The following GNAZ variants were observed in gnomAD, a reference collection of about 807,000 sequenced individuals.
GNAZ encodes the protein G protein subunit alpha z, also known as guanine nucleotide-binding protein G(z) subunit alpha.
GNAZ carries 3 observed loss-of-function variants against 25.4 expected under a neutral mutation model. The ratio of observed to expected loss-of-function variants is 0.12; its 90% CI spans 0.05 to 0.30. GNAZ has a LOEUF of 0.30. GNAZ is among the 10% of genes least tolerant of loss of function. The pLI is 1.00. For synonymous variants in GNAZ, 211 were observed against 205.7 expected (o/e 1.03, Z -0.22); for missense variants, 241 against 501.8 (o/e 0.48, Z 4.97).
chr22:23,110,477 T>C (rs1402616474), intron 2 of GNAZ, among the ~76,000 whole-genome samples: 1 of 152,156 alleles, frequency 6.6e-6, no homozygotes, highest in African/African-American at 2.4e-5. Context: ...CCCTCTCCCC[T>C]GCCCACTGCC....
Position 23,096,344 on chromosome 22 carries a change from G to C in GNAZ, c.649G>C (p.Glu217Gln), listed in dbSNP as rs1303018992. 6.2e-7 allele frequency: 1 copy of C among 1,613,550 alleles called. No homozygotes were observed. Among genetic ancestry groups the C allele is most frequent in the Non-Finnish European group, 8.5e-7 (1 of 1,179,998 alleles). ...GCGCAAAAAGTGGATCCACTGCTTCGAGGGCGTCACAGCCATCATCTTCTG... is the reference window on the plus strand; with the variant it reads ...GCGCAAAAAGTGGATCCACTGCTTCCAGGGCGTCACAGCCATCATCTTCTG... ...SERKKWIHCFEGVTAIIFCVE... is the reference protein window; with the variant it reads ...SERKKWIHCFQGVTAIIFCVE... The change falls in exon 2 of 3, where the codon GAG becomes CAG. Residue 217 changes from glutamate (E) to glutamine (Q), a missense_variant. Transcript: ENST00000615612.
chr22:23,123,056 C>G, intron 2 of GNAZ, 31 bp from the exon 3 acceptor site: 1 of 1,465,744 alleles, frequency 6.8e-7, no homozygotes, highest in Non-Finnish European at 9.5e-7. Flanking sequence ...TGCTGCGGGC[C>G]TGATTAACGC....
chr22:23,114,698 G>A (rs538260297), intron 2 of GNAZ, among the ~76,000 whole-genome samples: 1 of 152,356 alleles, frequency 6.6e-6, no homozygotes, highest in African/African-American at 2.4e-5. Context: ...CATATTCTGT[G>A]TGTGTGTGGT....
At chr22:23,110,081 T>C (rs1198398606) in intron 2 of GNAZ, among the ~76,000 whole-genome samples, 3 of 152,142 alleles carry the variant, frequency 2.0e-5, no homozygotes, top group African/African-American at 7.2e-5. Flanking sequence ...TCCAGCTCTG[T>C]CCCCAGACAC....
chr22:23,091,322 A>C (rs1348326786), intron 1 of GNAZ, among the ~76,000 whole-genome samples: 6 of 152,180 alleles, frequency 3.9e-5, no homozygotes, highest in Non-Finnish European at 8.8e-5. Flanking sequence ...ACGCACACAT[A>C]CCGCAATGGA....
chr22:23,107,123 G>T (rs953653311), intron 2 of GNAZ, among the ~76,000 whole-genome samples: 1 of 152,238 alleles, frequency 6.6e-6, no homozygotes, highest in Non-Finnish European at 1.5e-5. Context: ...AACAGCCCTT[G>T]CTGTTTGAGG....
rs541350326 is a variant in GNAZ, at chr22:23,123,595, A to C, written c.*164A>C. 3.9e-4 allele frequency: 236 copies of C among 601,836 alleles called. 1 individual carries two copies. In the East Asian group the frequency reaches 6.4e-3, roughly 16 times the overall value. The allele number at this position is 601,836 out of a possible 1,614,324, so 37.3% of individuals were successfully genotyped here. On this transcript the variant is annotated 3_prime_UTR_variant, in exon 3 of 3. Coordinates refer to ENST00000615612, the MANE Select transcript of GNAZ (RefSeq NM_002073.4). ...TGGCCCCACATTTCTGCAAACATAA[A>C]TATTTACGGATAGATTGCTAGGTAG...
At chr22:23,101,794 GC>G (rs1316303488) in intron 2 of GNAZ, among the ~76,000 whole-genome samples, 5 of 152,186 alleles carry the variant, frequency 3.3e-5, no homozygotes. Flanking sequence ...GGACTGGACA[GC>G]CCCCATGGCA....
chr22:23,079,043 G>A (rs1346343651), intron 1 of GNAZ, among the ~76,000 whole-genome samples: 1 of 152,216 alleles, frequency 6.6e-6, no homozygotes, highest in Non-Finnish European at 1.5e-5. Context: ...GAGGGCCTGG[G>A]ATTGATTTAT....
At chr22:23,080,515 A>T (rs2068646460) in intron 1 of GNAZ, among the ~76,000 whole-genome samples, 1 of 152,232 alleles carries the variant, frequency 6.6e-6, no homozygotes, top group South Asian at 2.1e-4. Context: ...TGGCTTCAGG[A>T]TAGGCAGAGA....
chr22:23,073,110 T>C (rs2068419960), intron 1 of GNAZ, among the ~76,000 whole-genome samples: 1 of 152,264 alleles, frequency 6.6e-6, no homozygotes. Flanking sequence ...TGTCCCACGC[T>C]AGCCTCAGAA....
At chr22:23,091,063 C>G (rs2068957486) in intron 1 of GNAZ, among the ~76,000 whole-genome samples, 1 of 152,230 alleles carries the variant, frequency 6.6e-6, no homozygotes, top group Non-Finnish European at 1.5e-5. Context: ...ATGCCACATG[C>G]AACCACATGC....
At chr22:23,085,893 CCTT>C (rs936402079) in intron 1 of GNAZ, among the ~76,000 whole-genome samples, 4 of 152,370 alleles carry the variant, frequency 2.6e-5, no homozygotes, top group African/African-American at 9.6e-5. Flanking sequence ...CTCTCTCAAT[CCTT>C]CTCCTTCAAG....
At chr22:23,080,176 T>G (rs1485213606) in intron 1 of GNAZ, among the ~76,000 whole-genome samples, 1 of 152,220 alleles carries the variant, frequency 6.6e-6, no homozygotes, top group Non-Finnish European at 1.5e-5. Context: ...CATATTGATT[T>G]ATTTATTTAC....
At chr22:23,119,991 CCTGGGCACAAGCAGGGGCCTGAG>C (rs2069965631) in intron 2 of GNAZ, among the ~76,000 whole-genome samples, 1 of 152,176 alleles carries the variant, frequency 6.6e-6, no homozygotes, top group African/African-American at 2.4e-5. Context: ...CAAGGGGAGT[CCTGGGCACAAGCAGGGGCCTGAG>C]CTGAGGGAAG....
rs995461477 is a variant in GNAZ, at chr22:23,095,753, G to A, written c.58G>A (p.Asp20Asn). 2 of 1,612,724 alleles carry A rather than the reference G, an allele frequency of 1.2e-6. No homozygotes were observed. The highest frequency in any genetic ancestry group is 1.7e-6 in the Non-Finnish European group (2 of 1,179,858). Reference protein sequence around the residue: ...KEAARRSRRIDRHLRSESQRQ... With the variant: ...KEAARRSRRINRHLRSESQRQ... Reference sequence around the variant, plus strand: ...AGCAGCCCGGCGGTCCCGGAGAATTGACCGCCACCTGCGCTCAGAGAGCCA... The same window carrying A: ...AGCAGCCCGGCGGTCCCGGAGAATTAACCGCCACCTGCGCTCAGAGAGCCA... Residue 20 changes from aspartate to asparagine, a missense_variant, in exon 2 of 3, where the codon GAC becomes AAC. Physicochemically the swap from Asp to Asn is conservative, Grantham distance 23 (BLOSUM62 1). Transcript: ENST00000615612.
chr22:23,088,327 A>G (rs957817213), intron 1 of GNAZ, among the ~76,000 whole-genome samples: 1 of 151,764 alleles, frequency 6.6e-6, no homozygotes, highest in Non-Finnish European at 1.5e-5. Context: ...AGCCTTACCC[A>G]CTCTGCCCCA....
In GNAZ at chr22:23,071,687, A is replaced by G. The variant is rs1013793309; in HGVS notation, c.-450+1117A>G. ...AGGGGAAAACGTCTCTACTCGACCA[A>G]CCCCGCTTGAGTGCAGGTGCAGGGG... On this transcript the variant is annotated intron_variant, in intron 1 of 2. Coordinates refer to ENST00000615612, the MANE Select transcript of GNAZ (RefSeq NM_002073.4). This position sits in a 1 kb window ranked among gnomAD's most constrained non-coding sequence, Gnocchi z 4.1. Among the ~76,000 whole-genome samples, 3 of 152,004 alleles carry G rather than the reference A, an allele frequency of 2.0e-5. No individual in the cohort carries two copies. The highest frequency in any genetic ancestry group is 1.3e-4 in the Admixed American group (2 of 15,272).
At chr22:23,091,419 C>T (rs370427424) in intron 1 of GNAZ, among the ~76,000 whole-genome samples, 40 of 151,816 alleles carry the variant, frequency 2.6e-4, no homozygotes, top group East Asian at 9.7e-4. Context: ...TACATGCACA[C>T]GCACCACAAT....
Sources: allele counts gnomAD v4.1 joint callset (sites outside exome capture counted in the v4.1 genomes callset), GRCh38; gene constraint gnomAD v4.1.1; non-coding constraint Gnocchi (gnomAD v3.1); transcripts MANE v1.5; gene names NCBI Gene and HGNC (gene_info 2026-07-23, HGNC 2026-07-21).